Variants in RABGAP1L observed in about 807,000 individuals in gnomAD.
RABGAP1L encodes rab GTPase-activating protein 1-like.
A neutral mutation model predicts 137.7 loss-of-function variants in RABGAP1L; 63 were observed. That is an observed-to-expected ratio of 0.46 (90% confidence interval 0.37 to 0.56). The LOEUF (loss-of-function observed/expected upper bound fraction) is 0.56, where lower values mean the gene tolerates loss of function less well. RABGAP1L is among the 20% of genes least tolerant of loss of function. The pLI is 0.00. For missense variants in RABGAP1L, 1,095 were observed against 1,244.0 expected (o/e 0.88, Z 1.80); for synonymous variants, 431 against 433.7 (o/e 0.99, Z 0.08).
At chr1:174,752,787 A>G (rs1684443475) in intron 18 of RABGAP1L, among the ~76,000 whole-genome samples, 1 of 152,222 alleles carries the variant, frequency 6.6e-6, no homozygotes, top group Non-Finnish European at 1.5e-5. Flanking sequence ...AAACTGCTAC[A>G]TTTCAATTTG....
At chr1:174,228,955 G>T (rs1483045591) in intron 3 of RABGAP1L, among the ~76,000 whole-genome samples, 2 of 152,072 alleles carry the variant, frequency 1.3e-5, no homozygotes, top group East Asian at 3.8e-4. Flanking sequence ...GATACACGGA[G>T]ATGGATGCTC....
chr1:174,232,815 C>G (rs1670794329), intron 4 of RABGAP1L, among the ~76,000 whole-genome samples: 1 of 151,914 alleles, frequency 6.6e-6, no homozygotes, highest in Non-Finnish European at 1.5e-5. Context: ...CGGCCTTTCC[C>G]TCAGTCACAC....
intron 11 of RABGAP1L, among the ~76,000 whole-genome samples, chr1:174,310,767 T>G (rs1355768524): frequency 3.3e-5 from 5 of 152,142 alleles, no homozygotes; most frequent in Non-Finnish European, 7.4e-5. Flanking sequence ...CATGAGGTAT[T>G]TTGGTAAAGA....
At chr1:174,247,323 T>C (rs1672349732) in intron 5 of RABGAP1L, among the ~76,000 whole-genome samples, 1 of 152,208 alleles carries the variant, frequency 6.6e-6, no homozygotes, top group Admixed American at 6.5e-5. Flanking sequence ...AAAAATACGC[T>C]TAAGTCCGGG....
chr1:174,930,782 C>A (rs987735187), intron 19 of RABGAP1L, among the ~76,000 whole-genome samples: 5 of 152,150 alleles, frequency 3.3e-5, no homozygotes, highest in African/African-American at 1.2e-4. Flanking sequence ...AAATTTCAGA[C>A]ATATCATTTT....
intron 13 of RABGAP1L, among the ~76,000 whole-genome samples, chr1:174,605,322 T>G (rs1670707189): frequency 6.6e-6 from 1 of 152,204 alleles, no homozygotes; most frequent in African/African-American, 2.4e-5. Context: ...AATGCTATCA[T>G]AAGCAGATGT....
At chr1:174,300,823 G>A (rs144638128) in intron 10 of RABGAP1L, among the ~76,000 whole-genome samples, 4,549 of 152,194 alleles carry the variant, frequency 0.03, 118 homozygotes, top group Middle Eastern at 0.092. Context: ...CCAAGGTGGC[G>A]CCACTGCACT....
chr1:174,453,543 A>G (rs1290004029), intron 13 of RABGAP1L, among the ~76,000 whole-genome samples: 1 of 152,204 alleles, frequency 6.6e-6, no homozygotes, highest in Non-Finnish European at 1.5e-5. Context: ...AGCATCATGT[A>G]TGTGTAGGTA....
intron 19 of RABGAP1L, among the ~76,000 whole-genome samples, chr1:174,906,152 G>A (rs151043512): frequency 6.6e-6 from 1 of 152,186 alleles, no homozygotes; most frequent in East Asian, 2.0e-4. Flanking sequence ...TAAGTAGCTA[G>A]GACTGTAGGC....
intron 13 of RABGAP1L, among the ~76,000 whole-genome samples, chr1:174,398,842 G>T (rs1234289200): frequency 6.6e-6 from 1 of 152,142 alleles, no homozygotes; most frequent in African/African-American, 2.4e-5. Context: ...AGTGACACTA[G>T]TTGAGATCTA....
At position 174,446,103 on chromosome 1, in the gene RABGAP1L, A is replaced by G. The variant is rs116567655; in HGVS notation, c.1710+51958A>G. Among the ~76,000 whole-genome samples, 988 of 152,278 alleles carry G rather than the reference A, an allele frequency of 6.5e-3. 7 individuals are homozygous for G. The highest frequency in any genetic ancestry group is 0.023 in the African/African-American group (941 of 41,566). On this transcript the variant is annotated intron_variant, in intron 13 of 25. Coordinates refer to ENST00000681986, the MANE Select transcript of RABGAP1L (RefSeq NM_001366446.1). ...TCAGCCCAGGATGAGGAGGAGGAGT[A>G]GGGCTTGGGCTCAGGTGGAGTCATT... is the stretch of plus-strand genomic sequence containing the variant.
intron 18 of RABGAP1L, among the ~76,000 whole-genome samples, chr1:174,754,243 A>G (rs116278631): frequency 0.021 from 3,216 of 152,264 alleles, 54 homozygotes; most frequent in Middle Eastern, 0.085. Context: ...CCCTATATTT[A>G]TGTAACTTCC....
chr1:174,314,766 G>T (rs564600940), intron 11 of RABGAP1L, among the ~76,000 whole-genome samples: 1 of 152,016 alleles, frequency 6.6e-6, no homozygotes, highest in South Asian at 2.1e-4. Flanking sequence ...GTTCAGGAGC[G>T]TATTGTTTAA....
intron 11 of RABGAP1L, among the ~76,000 whole-genome samples, chr1:174,351,128 C>T (rs1302573986): frequency 7.0e-6 from 1 of 143,638 alleles, no homozygotes; most frequent in East Asian, 2.2e-4. Flanking sequence ...ATCTTATTAT[C>T]TTGTCTAACT....
intron 13 of RABGAP1L, among the ~76,000 whole-genome samples, chr1:174,578,831 C>G (rs1668548001): frequency 6.6e-6 from 1 of 151,998 alleles, no homozygotes; most frequent in African/African-American, 2.4e-5. Flanking sequence ...ATACTGCAGT[C>G]AATATGATTT....
At chr1:174,644,123 C>T (rs1465568620) in intron 14 of RABGAP1L, among the ~76,000 whole-genome samples, 1 of 151,890 alleles carries the variant, frequency 6.6e-6, no homozygotes, top group Admixed American at 6.6e-5. Flanking sequence ...TGAGTCACAG[C>T]TCAACTGAGA....
chr1:174,327,401 G>C lies in RABGAP1L; in HGVS notation c.1465+22274G>C, dbSNP rs551282827. On this transcript the variant is annotated intron_variant, in intron 11 of 25. Coordinates refer to ENST00000681986, the MANE Select transcript of RABGAP1L (RefSeq NM_001366446.1). ...GAAATATGGGAGAGCAATGGAGTTA[G>C]TGTTTTTTTTGAACAAAATTGTCAG... Among the ~76,000 whole-genome samples the C allele has an allele frequency of 8.5e-5, 13 of 152,174 alleles. No homozygotes were observed. In the East Asian group the frequency reaches 2.5e-3, roughly 29 times the overall value.
At chr1:174,598,443 A>C (rs945238428) in intron 13 of RABGAP1L, among the ~76,000 whole-genome samples, 1 of 151,924 alleles carries the variant, frequency 6.6e-6, no homozygotes, top group African/African-American at 2.4e-5. Context: ...TTATAGTGCT[A>C]AGTCCAATTT....
chr1:174,573,759 CAA>C (rs77651711), intron 13 of RABGAP1L, among the ~76,000 whole-genome samples: 11 of 146,018 alleles, frequency 7.5e-5, no homozygotes, highest in East Asian at 2.0e-4. Context: ...CTATTGAATG[CAA>C]AAAAAAAAAT....
Sources: allele counts gnomAD v4.1 joint callset (sites outside exome capture counted in the v4.1 genomes callset), GRCh38; gene constraint gnomAD v4.1.1; transcripts MANE v1.5; gene names NCBI Gene and HGNC (gene_info 2026-07-23, HGNC 2026-07-21).